Variants in FUT8 observed in about 807,000 individuals in gnomAD.
FUT8 encodes the protein fucosyltransferase 8.
In FUT8, 29 loss-of-function variants were observed where a neutral mutation model predicts 71.3. The observed-to-expected ratio is 0.41, with a 90% CI of 0.30 to 0.55. The LOEUF (loss-of-function observed/expected upper bound fraction) is 0.55. FUT8 is among the 20% of genes least tolerant of loss of function. FUT8 has a pLI of 0.34. For synonymous variants in FUT8, 254 were observed against 239.3 expected, an observed-to-expected ratio of 1.06 and a Z score of -0.57; for missense variants, 544 against 702.1, an observed-to-expected ratio of 0.77 and a Z score of 2.55.
At chr14:65,556,592 T>A (rs1285268277) in intron 2 of FUT8, among the ~76,000 whole-genome samples, 1 of 152,178 alleles carries the variant, frequency 6.6e-6, no homozygotes, top group African/African-American at 2.4e-5. Context: ...TTCTGTCACT[T>A]TTACTGTATT....
At position 65,594,606 on chromosome 14, in the gene FUT8, G is replaced by A. The variant is rs577412250; in HGVS notation, c.204-21372G>A. ...GGTACATCCCAAATTCTTGTCTGGTGCCCAAGAGAAATGAGGTCATGCAGA... is the reference window on the plus strand; with the variant it reads ...GGTACATCCCAAATTCTTGTCTGGTACCCAAGAGAAATGAGGTCATGCAGA... On this transcript the variant is annotated intron_variant, in intron 3 of 10. Coordinates refer to ENST00000673929, the MANE Select transcript of FUT8 (RefSeq NM_001371533.1). 3.9e-3 allele frequency among the ~76,000 whole-genome samples: 599 copies of A among 152,248 alleles called. 3 individuals carry two copies. Among genetic ancestry groups the A allele is most frequent in the African/African-American group, 0.014 (567 of 41,540 alleles).
the FUT8 span, among the ~76,000 whole-genome samples, chr14:65,395,255 GT>G: frequency 6.6e-6 from 1 of 152,180 alleles, no homozygotes; most frequent in Admixed American, 6.5e-5. Flanking sequence ...TGGATCTACC[GT>G]TCTGGGATCT....
In FUT8 at chr14:65,413,378, G is replaced by T. The variant is rs905090558; in HGVS notation, c.-326+164G>T. Reference sequence around the variant, plus strand: ...CGGCTCTCGGAAAAGTGGGGAGGGAGCCCCCGGGACGCTCTGGCGGATGCC... The same window carrying T: ...CGGCTCTCGGAAAAGTGGGGAGGGATCCCCCGGGACGCTCTGGCGGATGCC... On this transcript the variant is annotated intron_variant, in intron 1 of 10. Coordinates refer to ENST00000673929, the MANE Select transcript of FUT8 (RefSeq NM_001371533.1). The surrounding 1 kb of genome is among the most constrained non-coding windows in gnomAD (Gnocchi z 4.1). Among the ~76,000 whole-genome samples, 6 of 152,156 alleles carry T rather than the reference G, an allele frequency of 3.9e-5. No homozygotes were observed. The highest frequency in any genetic ancestry group is 7.2e-5 in the African/African-American group (3 of 41,458).
At chr14:65,716,067 C>T (rs964680266) in intron 7 of FUT8, among the ~76,000 whole-genome samples, 15 of 151,866 alleles carry the variant, frequency 9.9e-5, no homozygotes, top group Admixed American at 2.0e-4. Flanking sequence ...CCTTGTAATA[C>T]TATCCATGTG....
At chr14:65,547,568 CCATCATTTA>C (rs1885050938) in intron 2 of FUT8, among the ~76,000 whole-genome samples, 1 of 151,626 alleles carries the variant, frequency 6.6e-6, no homozygotes, top group South Asian at 2.1e-4. Context: ...CTGTTTAAAT[CCATCATTTA>C]CATTCAAGTT....
chr14:65,599,186 G>C (rs1225658565), intron 3 of FUT8, among the ~76,000 whole-genome samples: 1 of 152,114 alleles, frequency 6.6e-6, no homozygotes, highest in Non-Finnish European at 1.5e-5. Context: ...CACAGACTCA[G>C]TCATCAGCTT....
At chr14:65,391,322 AG>A in the FUT8 span, among the ~76,000 whole-genome samples, 2 of 152,134 alleles carry the variant, frequency 1.3e-5, no homozygotes, top group Non-Finnish European at 2.9e-5. Context: ...TGTTTGAAAG[AG>A]AATAAAATTA....
intron 2 of FUT8, among the ~76,000 whole-genome samples, chr14:65,482,219 T>G (rs147772187): frequency 0.016 from 2,500 of 152,268 alleles, 33 homozygotes; most frequent in Non-Finnish European, 0.023. Flanking sequence ...TATTTCAGCA[T>G]CATTTACTGA....
At chr14:65,504,394 T>G (rs1043870632) in intron 2 of FUT8, among the ~76,000 whole-genome samples, 1 of 152,202 alleles carries the variant, frequency 6.6e-6, no homozygotes, top group Non-Finnish European at 1.5e-5. Flanking sequence ...AAAGAAAATG[T>G]AGACTTCTAG....
At chr14:65,712,649 T>A (rs1894862649) in intron 7 of FUT8, among the ~76,000 whole-genome samples, 2 of 152,200 alleles carry the variant, frequency 1.3e-5, no homozygotes, top group Admixed American at 6.5e-5. Context: ...TTCTCCATGT[T>A]GGTCAGGCTG....
chr14:65,525,998 G>C (rs1357198273), intron 2 of FUT8, among the ~76,000 whole-genome samples: 1 of 152,136 alleles, frequency 6.6e-6, no homozygotes, highest in Non-Finnish European at 1.5e-5. Flanking sequence ...GGTCAATTTT[G>C]GAATAAGTGC....
chr14:65,679,371 TG>T (rs1892925986), intron 7 of FUT8, among the ~76,000 whole-genome samples: 1 of 152,234 alleles, frequency 6.6e-6, no homozygotes, highest in Admixed American at 6.5e-5. Context: ...CTGCATTCTT[TG>T]GAAATATAAT....
the FUT8 span, among the ~76,000 whole-genome samples, chr14:65,399,042 G>A: frequency 1.3e-5 from 2 of 152,160 alleles, no homozygotes; most frequent in Non-Finnish European, 2.9e-5. Flanking sequence ...TTTTGAGCCG[G>A]GAACGGTGGC....
intron 3 of FUT8, among the ~76,000 whole-genome samples, chr14:65,611,693 C>G (rs1325617516): frequency 6.6e-6 from 1 of 152,074 alleles, no homozygotes; most frequent in Non-Finnish European, 1.5e-5. Context: ...TGGAGTCTCA[C>G]TCTGCCACCC....
rs181126154 is a variant in FUT8, at chr14:65,581,890, T to C, written c.203+20124T>C. ...TGTTTTCTAAGAGGACTTTTGCATA[T>C]TCACATATAAATTGTGGTTTAAGAA... On this transcript the variant is annotated intron_variant, in intron 3 of 10. Coordinates refer to ENST00000673929, the MANE Select transcript of FUT8 (RefSeq NM_001371533.1). Among the ~76,000 whole-genome samples the C allele has an allele frequency of 2.8e-3, 434 of 152,300 alleles. 3 individuals carry two copies. The highest frequency in any genetic ancestry group is 9.9e-3 in the African/African-American group (413 of 41,570).
intron 3 of FUT8, among the ~76,000 whole-genome samples, chr14:65,583,914 C>T (rs759619178): frequency 6.6e-6 from 1 of 152,182 alleles, no homozygotes; most frequent in African/African-American, 2.4e-5. Flanking sequence ...GAGTCTCGCT[C>T]ATTCACCCAG....
At chr14:65,713,068 A>G (rs1203520728) in intron 7 of FUT8, among the ~76,000 whole-genome samples, 1 of 152,024 alleles carries the variant, frequency 6.6e-6, no homozygotes, top group Non-Finnish European at 1.5e-5. Context: ...TACCTTTTCC[A>G]GCCTCTGGTC....
At chr14:65,391,577 A>C in the FUT8 span, among the ~76,000 whole-genome samples, 1 of 152,156 alleles carries the variant, frequency 6.6e-6, no homozygotes, top group Non-Finnish European at 1.5e-5. Flanking sequence ...GCTGGTCTCG[A>C]ACTCCTGACC....
chr14:65,423,263 C>CTTT (rs1180861343), intron 1 of FUT8, among the ~76,000 whole-genome samples: 1 of 119,486 alleles, frequency 8.4e-6, no homozygotes, highest in Non-Finnish European at 1.8e-5. Context: ...GATTTTCTTT[C>CTTT]TTTTTTTTTT....
Sources: gnomAD v4.1 joint callset for allele counts (sites outside exome capture counted in the v4.1 genomes callset) on GRCh38, gnomAD v4.1.1 for gene constraint, Gnocchi (gnomAD v3.1) non-coding constraint, MANE v1.5 for transcripts, NCBI Gene and HGNC (gene_info 2026-07-23, HGNC 2026-07-21) for gene names.